DOCK9: variants seen among roughly 807,000 people sequenced by gnomAD.
The protein encoded by DOCK9 is dedicator of cytokinesis 9.
Under a neutral mutation model 263.3 loss-of-function variants are expected in DOCK9, and 89 were observed. The observed-to-expected ratio is 0.34, with a 90% CI of 0.28 to 0.40. The LOEUF (loss-of-function observed/expected upper bound fraction) is 0.40. DOCK9 is among the 10% of genes least tolerant of loss of function. DOCK9 has a pLI of 1.00. For missense variants in DOCK9, 2,140 were observed against 2,603.4 expected, an observed-to-expected ratio of 0.82 and a Z score of 3.87; for synonymous variants, 976 against 973.1, an observed-to-expected ratio of 1.00 and a Z score of -0.06.
intron 50 of DOCK9, among the ~76,000 whole-genome samples, chr13:98,798,598 G>C (rs918985905): frequency 5.9e-5 from 9 of 152,202 alleles, no homozygotes; most frequent in African/African-American, 2.2e-4. Flanking sequence ...GAAAGAGGAA[G>C]GCTGATGAGA....
chr13:98,950,145 C>G, intron 2 of DOCK9: 1 of 598,972 alleles, frequency 1.7e-6, no homozygotes. Flanking sequence ...TTCTCTGCAC[C>G]AGTGAAGTCA....
intron 1 of DOCK9, among the ~76,000 whole-genome samples, chr13:99,037,016 G>A (rs371283028): frequency 2.0e-5 from 3 of 152,278 alleles, no homozygotes; most frequent in Middle Eastern, 3.4e-3. Context: ...ATAGAGCTCA[G>A]ACTCTGATGG....
At chr13:98,989,708 G>A (rs750720017) in intron 1 of DOCK9, among the ~76,000 whole-genome samples, 6 of 152,278 alleles carry the variant, frequency 3.9e-5, no homozygotes, top group South Asian at 2.1e-4. Flanking sequence ...CCACAGGACA[G>A]AACACACACC....
chr13:98,886,509 T>A (rs371870675), intron 19 of DOCK9, 23 bp downstream of exon 19: 1 of 1,607,842 alleles, frequency 6.2e-7, no homozygotes. Context: ...CAAATTCGGT[T>A]TTCCCTTAAA....
chr13:98,928,013 A>C (rs1277633889), intron 3 of DOCK9, among the ~76,000 whole-genome samples: 2 of 102,392 alleles, frequency 2.0e-5, no homozygotes, highest in East Asian at 2.2e-4. Context: ...ACAAAAAAAA[A>C]AAAAAACAAA....
At chr13:98,974,902 C>A (rs1327921973) in intron 1 of DOCK9, among the ~76,000 whole-genome samples, 1 of 152,098 alleles carries the variant, frequency 6.6e-6, no homozygotes, top group Non-Finnish European at 1.5e-5. Flanking sequence ...TACCACCAAT[C>A]ATAAGGGCAG....
Position 98,930,189 on chromosome 13 carries a change from T to G in DOCK9, c.312A>C (p.Ala104=). The G allele has an allele frequency of 4.3e-6, 7 of 1,611,414 alleles. No homozygotes were observed. The highest frequency in any genetic ancestry group is 5.9e-6 in the Non-Finnish European group (7 of 1,178,804). Reference sequence around the variant, plus strand: ...TTACCTCTGTAACAAACAAGCTCTGTGCTTCCTCTTCCGCCTTCGCAGGCA... The same window carrying G: ...TTACCTCTGTAACAAACAAGCTCTGGGCTTCCTCTTCCGCCTTCGCAGGCA... ...STVPAKAEEE[A]QSLFVTECIK... Residue 104 remains alanine, a synonymous_variant, in exon 3 of 53, where the codon GCA becomes GCC. Coordinates refer to ENST00000682017, the MANE Select transcript of DOCK9 (RefSeq NM_001366683.2).
chr13:98,810,432 C>T, intron 45 of DOCK9, 141 bp from the exon 46 acceptor site: 2 of 1,056,358 alleles, frequency 1.9e-6, no homozygotes, highest in Non-Finnish European at 2.7e-6. Flanking sequence ...CACTTCCACA[C>T]TTACAACAAC....
chr13:98,987,519 G>C (rs373281208), intron 1 of DOCK9, among the ~76,000 whole-genome samples: 1 of 152,184 alleles, frequency 6.6e-6, no homozygotes, highest in Non-Finnish European at 1.5e-5. Context: ...TACAAAACAA[G>C]TGAGGTTTAC....
Position 98,922,595 on chromosome 13 carries a change from G to C in DOCK9, c.487-449C>G, listed in dbSNP as rs530132773. ...AGGGAAAGGTGAATAAAGCAAGGGA[G>C]GAAATTGAGGCAATACAGAAAGGAG... On this transcript the variant is annotated intron_variant, in intron 5 of 52. Coordinates refer to ENST00000682017, the MANE Select transcript of DOCK9 (RefSeq NM_001366683.2). Among the ~76,000 whole-genome samples, 21 of 152,314 alleles carry C rather than the reference G, an allele frequency of 1.4e-4. No homozygotes were observed. The South Asian group carries it at 2.1e-3, about 15-fold the overall frequency.
intron 13 of DOCK9, among the ~76,000 whole-genome samples, chr13:98,900,298 C>A (rs1419899558): frequency 6.6e-6 from 1 of 152,128 alleles, no homozygotes; most frequent in African/African-American, 2.4e-5. Flanking sequence ...ACCATGCATG[C>A]GGCAGGCAGA....
intron 52 of DOCK9, among the ~76,000 whole-genome samples, 156 bp from the exon 53 acceptor site, chr13:98,794,904 G>A (rs1383545934): frequency 6.6e-6 from 1 of 152,194 alleles, no homozygotes; most frequent in Admixed American, 6.5e-5. Flanking sequence ...TGAGTATAAG[G>A]ATGCAAGCAG....
intron 7 of DOCK9, among the ~76,000 whole-genome samples, chr13:98,917,284 T>C (rs923594971): frequency 5.3e-5 from 8 of 152,226 alleles, no homozygotes; most frequent in African/African-American, 1.9e-4. Context: ...CCAAATACAT[T>C]TAGTTTTGCT....
upstream of DOCK9, among the ~76,000 whole-genome samples, chr13:98,981,744 C>A (rs1877263960): frequency 6.6e-6 from 1 of 152,210 alleles, no homozygotes; most frequent in Non-Finnish European, 1.5e-5. Context: ...TCACATGGCA[C>A]CGCGTTTAAC....
rs547523338 is a variant in DOCK9 at position 98,833,687 on chromosome 13, T to C, written c.4315-1901A>G. 2.0e-5 allele frequency among the ~76,000 whole-genome samples: 3 copies of C among 152,356 alleles called. No homozygotes were observed. In the South Asian group the frequency reaches 6.2e-4, roughly 32 times the overall value. On this transcript the variant is annotated intron_variant, in intron 39 of 52. Transcript: ENST00000682017. ...AAATATATACAATAAAATTTATTTT[T>C]AAAAAGACGTAAATAACCTCCACTT...
rs142371475 is a variant in DOCK9, at chr13:98,921,989, T to A, written c.582+62A>T. ...CATGCGCATTCATCTTGAGCATTGT[T>A]CTCGAGCTCTATGGCAGAAAGGGCT... On this transcript the variant is annotated intron_variant, in intron 6 of 52. Coordinates refer to ENST00000682017, the MANE Select transcript of DOCK9 (RefSeq NM_001366683.2). The A allele has an allele frequency of 3.4e-5, 45 of 1,341,324 alleles. 1 individual carries two copies. In the Middle Eastern group the frequency reaches 7.6e-4, roughly 23 times the overall value. The allele number at this position is 1,341,324 out of a possible 1,614,324, so 83.1% of individuals were successfully genotyped here. A position where few individuals can be genotyped will look rare whatever the true frequency, so the allele number is the denominator to read the frequency against.
chr13:98,831,555 A>G (rs2092763124), intron 40 of DOCK9, 25 bp from the exon 41 acceptor site: 24 of 1,587,394 alleles, frequency 1.5e-5, no homozygotes, highest in Non-Finnish European at 2.1e-5. Context: ...AGGAAGCAGC[A>G]GATAAACCAC....
intron 1 of DOCK9, among the ~76,000 whole-genome samples, chr13:99,083,074 AT>A (rs1288964524): frequency 3.9e-5 from 6 of 152,050 alleles, no homozygotes; most frequent in African/African-American, 1.4e-4. Context: ...AGCCAACATG[AT>A]GAAACCTCAT....
intron 13 of DOCK9, among the ~76,000 whole-genome samples, chr13:98,901,189 A>G (rs1443755030): frequency 6.6e-6 from 1 of 152,134 alleles, no homozygotes; most frequent in African/African-American, 2.4e-5. Context: ...GGACTAGATG[A>G]CCTCTAATAT....
Sources: allele counts gnomAD v4.1 joint callset (sites outside exome capture counted in the v4.1 genomes callset), GRCh38; gene constraint gnomAD v4.1.1; transcripts MANE v1.5; gene names NCBI Gene and HGNC (gene_info 2026-07-23, HGNC 2026-07-21).